Variants in WWTR1 observed in about 807,000 individuals in gnomAD.
The protein encoded by WWTR1 is WW domain-containing transcription regulator protein 1.
Under a neutral mutation model 40.1 loss-of-function variants are expected in WWTR1, and 13 were observed. The observed-to-expected ratio is 0.32, with a 90% CI of 0.21 to 0.52. The LOEUF (loss-of-function observed/expected upper bound fraction) is 0.52. WWTR1 is among the 20% of genes least tolerant of loss of function. The probability of loss-of-function intolerance (pLI) is 0.97; values close to 1 mark genes in which losing one functional copy is unlikely to be tolerated. For synonymous variants in WWTR1, 230 were observed against 210.1 expected, an observed-to-expected ratio of 1.09 and a Z score of -0.82; for missense variants, 436 against 523.1, an observed-to-expected ratio of 0.83 and a Z score of 1.63.
At chr3:149,704,514 A>G (rs1176039309), upstream of WWTR1, among the ~76,000 whole-genome samples, 1 of 152,236 alleles carries the variant, frequency 6.6e-6, no homozygotes, top group African/African-American at 2.4e-5. Flanking sequence ...GAAAGCAGAC[A>G]GATTTGAAAA....
chr3:149,549,663 C>A (rs2107952432), intron 3 of WWTR1, among the ~76,000 whole-genome samples: 1 of 152,132 alleles, frequency 6.6e-6, no homozygotes, highest in South Asian at 2.1e-4. Flanking sequence ...CATAGTGAGA[C>A]CCTGTCTCTA....
chr3:149,603,598 A>C (rs1739353142), intron 2 of WWTR1, among the ~76,000 whole-genome samples: 1 of 142,658 alleles, frequency 7.0e-6, no homozygotes, highest in Admixed American at 7.4e-5. Context: ...CCCCCATTAC[A>C]TTTCTTTCTT....
intron 1 of WWTR1, among the ~76,000 whole-genome samples, chr3:149,674,319 T>C (rs1363358057): frequency 6.6e-6 from 1 of 152,106 alleles, no homozygotes; most frequent in African/African-American, 2.4e-5. Context: ...CCAGGCATGG[T>C]GGCTCATGCC....
At chr3:149,718,514 G>T (rs1193343399) in intron 4 of WWTR1, among the ~76,000 whole-genome samples, 1 of 152,128 alleles carries the variant, frequency 6.6e-6, no homozygotes, top group Admixed American at 6.5e-5. Flanking sequence ...TCATTTTTAA[G>T]TGCACAGCTG....
At chr3:149,651,655 AGAGT>A (rs1163105691) in intron 2 of WWTR1, among the ~76,000 whole-genome samples, 17 of 152,208 alleles carry the variant, frequency 1.1e-4, no homozygotes, top group African/African-American at 3.4e-4. Flanking sequence ...CAACTGATGA[AGAGT>A]GAGAAAACAA....
intron 3 of WWTR1, among the ~76,000 whole-genome samples, chr3:149,550,648 G>C (rs574013165): frequency 6.6e-6 from 1 of 152,132 alleles, no homozygotes; most frequent in East Asian, 1.9e-4. Context: ...AAGCGGACAG[G>C]GAATGTTGAA....
chr3:149,562,099 G>A (rs993024075), intron 3 of WWTR1, among the ~76,000 whole-genome samples: 2 of 152,004 alleles, frequency 1.3e-5, no homozygotes, highest in South Asian at 2.1e-4. Context: ...GTTCAAGACC[G>A]GCCTCGCCAA....
chr3:149,620,567 C>CG (rs1320959245), intron 2 of WWTR1, among the ~76,000 whole-genome samples: 2 of 150,336 alleles, frequency 1.3e-5, no homozygotes, highest in Non-Finnish European at 3.0e-5. Flanking sequence ...CCACCGCTCC[C>CG]CCCCACACAC....
chr3:149,528,902 TA>T (rs1735451985), intron 4 of WWTR1, among the ~76,000 whole-genome samples: 1 of 152,220 alleles, frequency 6.6e-6, no homozygotes, highest in Admixed American at 6.5e-5. Flanking sequence ...TGGATTTCAT[TA>T]GCAGAAACAA....
intron 1 of WWTR1, among the ~76,000 whole-genome samples, chr3:149,683,815 T>G (rs772960562): frequency 1.3e-5 from 2 of 152,142 alleles, no homozygotes; most frequent in Non-Finnish European, 2.9e-5. Context: ...GGGAGAAGCA[T>G]GACAGCATGC....
chr3:149,677,989 T>C (rs1714328079), intron 1 of WWTR1, among the ~76,000 whole-genome samples: 1 of 151,924 alleles, frequency 6.6e-6, no homozygotes. Context: ...CAGGCTGATC[T>C]CGAACTCCTG....
At chr3:149,677,249 G>A (rs1442300443) in intron 1 of WWTR1, among the ~76,000 whole-genome samples, 1 of 152,024 alleles carries the variant, frequency 6.6e-6, no homozygotes, top group Non-Finnish European at 1.5e-5. Flanking sequence ...CAGTCCCTAG[G>A]CAACTTGATA....
intron 1 of WWTR1, among the ~76,000 whole-genome samples, chr3:149,686,162 G>A (rs1021411220): frequency 1.3e-5 from 2 of 152,152 alleles, no homozygotes; most frequent in African/African-American, 4.8e-5. Context: ...ATGTTTGGCT[G>A]ATGCAGTGCC....
rs149543457 is a variant in WWTR1 at position 149,552,914 on chromosome 3, A to T, written c.569-10377T>A. On this transcript the variant is annotated intron_variant, in intron 3 of 6. Coordinates refer to ENST00000360632, the MANE Select transcript of WWTR1 (RefSeq NM_015472.6). The stretch of plus-strand genomic sequence containing the variant: ...CACCTTTGACTGTCTTCTCTAAATC[A>T]TCTTGGTCTTGCTTTCACTCTGCTT... Among the ~76,000 whole-genome samples the T allele has an allele frequency of 2.6e-5, 4 of 152,218 alleles. No homozygotes were observed. The East Asian group carries it at 7.7e-4, about 29-fold the overall frequency.
chr3:149,652,208 T>C (rs771356993), intron 2 of WWTR1, among the ~76,000 whole-genome samples: 14 of 151,842 alleles, frequency 9.2e-5, no homozygotes, highest in Non-Finnish European at 1.2e-4. Context: ...AAAGCACAAA[T>C]ACAGGTTATG....
At chr3:149,546,658 A>C (rs151105440) in intron 3 of WWTR1, among the ~76,000 whole-genome samples, 1 of 152,350 alleles carries the variant, frequency 6.6e-6, no homozygotes, top group East Asian at 1.9e-4. Context: ...TTTATCATTT[A>C]ATGTAAAACA....
At position 149,632,109 on chromosome 3, in the gene WWTR1, A is replaced by G. The variant is rs202219470; in HGVS notation, c.431+24767T>C. Among the ~76,000 whole-genome samples the G allele has an allele frequency of 3.3e-5, 5 of 152,126 alleles. No individual in the cohort carries two copies. In the East Asian group the frequency reaches 7.7e-4, roughly 23 times the overall value. ...GCATGTTTTGTAGAGACAGAGTCTC[A>G]CTATGTTGCCCAGGTTGGTCTCAAA... is the stretch of plus-strand genomic sequence containing the variant. On this transcript the variant is annotated intron_variant, in intron 2 of 6. Coordinates refer to ENST00000360632, the MANE Select transcript of WWTR1 (RefSeq NM_015472.6).
At chr3:149,528,251 T>C (rs1735422417) in intron 4 of WWTR1, among the ~76,000 whole-genome samples, 1 of 152,196 alleles carries the variant, frequency 6.6e-6, no homozygotes, top group African/African-American at 2.4e-5. Context: ...AACACCCAAA[T>C]CATAGAAAGC....
In WWTR1 at chr3:149,668,935, C is replaced by A. The variant is rs376250510; in HGVS notation, c.-4+853G>T. On this transcript the variant is annotated intron_variant, in intron 2 of 7. Coordinates refer to the WWTR1 transcript ENST00000465804. ...GCATAATCTAGTGGTAAATTTCAACCTTGCTAATGAATCCTCCCTTTGACT... is the reference window on the plus strand; with the variant it reads ...GCATAATCTAGTGGTAAATTTCAACATTGCTAATGAATCCTCCCTTTGACT... Among the ~76,000 whole-genome samples the A allele has an allele frequency of 5.3e-5, 8 of 152,264 alleles. No homozygotes were observed. In the East Asian group the frequency reaches 9.7e-4, roughly 18 times the overall value.
Sources: gnomAD v4.1 joint callset for allele counts (sites outside exome capture counted in the v4.1 genomes callset) on GRCh38, gnomAD v4.1.1 for gene constraint, MANE v1.5 for transcripts, NCBI Gene and HGNC (gene_info 2026-07-23, HGNC 2026-07-21) for gene names.